C6orf163: variants seen among roughly 807,000 people sequenced by gnomAD.
C6orf163 encodes the protein chromosome 6 open reading frame 163.
Under a neutral mutation model 28.4 loss-of-function variants are expected in C6orf163, and 22 were observed. The observed-to-expected ratio is 0.78, with a 90% CI of 0.55 to 1.11. The LOEUF is 1.11. Ranked by LOEUF, C6orf163 falls within the 50% of genes least tolerant of loss-of-function variation. The pLI is 0.00. For missense variants in C6orf163, 342 were observed against 389.1 expected, an observed-to-expected ratio of 0.88 and a Z score of 1.02; for synonymous variants, 110 against 123.6, an observed-to-expected ratio of 0.89 and a Z score of 0.73.
At chr6:87,350,023 T>C (rs932553691) in intron 2 of C6orf163, among the ~76,000 whole-genome samples, 5 of 152,246 alleles carry the variant, frequency 3.3e-5, no homozygotes, top group Admixed American at 2.6e-4. Flanking sequence ...GTGCGTCTTT[T>C]CATTTCACTG....
At chr6:87,355,823 A>G (rs1012713033) in intron 3 of C6orf163, among the ~76,000 whole-genome samples, 7 of 152,202 alleles carry the variant, frequency 4.6e-5, no homozygotes, top group Middle Eastern at 6.8e-3. Context: ...CTTGAGCACA[A>G]TTTGTGGCTC....
At chr6:87,360,546 ACTC>A (rs1402411270) in intron 4 of C6orf163, among the ~76,000 whole-genome samples, 1 of 50,160 alleles carries the variant, frequency 2.0e-5, no homozygotes, top group Non-Finnish European at 5.5e-5. Context: ...GCAGGTACTC[ACTC>A]ACCACCATGC....
Position 87,365,212 on chromosome 6 carries a change from G to A in C6orf163, c.806G>A (p.Gly269Glu), listed in dbSNP as rs1369243084. The stretch of plus-strand genomic sequence containing the variant: ...CTGCTGTCTATAGCAAAACAACTGG[G>A]AATCATGACAAATTGGAAAGATTTC... ...GELLSIAKQL[G>E]IMTNWKDFLE... is the part of the protein sequence containing the mutation. The change falls in exon 5 of 5, where the codon GGA (glycine) becomes GAA (glutamate). Residue 269 changes from glycine to glutamate, a missense_variant. Gly to Glu is a moderately conservative substitution (Grantham distance 98). Coordinates refer to ENST00000388923, the MANE Select transcript of C6orf163 (RefSeq NM_001010868.3). The A allele has an allele frequency of 1.3e-6, 2 of 1,551,712 alleles. No homozygotes were observed. Among genetic ancestry groups the A allele is most frequent in the South Asian group, 2.4e-5 (2 of 84,060 alleles).
chr6:87,360,304 T>G (rs1306666023), intron 4 of C6orf163, among the ~76,000 whole-genome samples: 1 of 152,140 alleles, frequency 6.6e-6, no homozygotes, highest in African/African-American at 2.4e-5. Flanking sequence ...GACTAATTTA[T>G]GTACATTGAA....
chr6:87,347,967 C>G (rs1431867061), intron 1 of C6orf163: 1 of 709,606 alleles, frequency 1.4e-6, no homozygotes, highest in Non-Finnish European at 1.7e-6. Context: ...ACCAGCCTGA[C>G]CAACATGGTG....
At chr6:87,348,452 G>GGA (rs561395292) in intron 1 of C6orf163, 375 of 1,002,236 alleles carry the variant, frequency 3.7e-4, no homozygotes, top group Admixed American at 2.2e-3. Context: ...ATAGGAACAG[G>GGA]GAGAGAGAGA....
chr6:87,346,462 G>T (rs1777325648), intron 1 of C6orf163, among the ~76,000 whole-genome samples: 1 of 152,100 alleles, frequency 6.6e-6, no homozygotes, highest in African/African-American at 2.4e-5. Context: ...GATTCCTTAT[G>T]CCTTATGGAA....
chr6:87,360,909 G>A (rs754362321), intron 4 of C6orf163, among the ~76,000 whole-genome samples: 13 of 152,156 alleles, frequency 8.5e-5, no homozygotes, highest in South Asian at 8.3e-4. Flanking sequence ...TCACACCCTC[G>A]ACGCACTGCA....
At chr6:87,347,309 G>C (rs764624941) in intron 1 of C6orf163, 1 of 727,868 alleles carries the variant, frequency 1.4e-6, no homozygotes, top group African/African-American at 1.9e-5. Context: ...TCCTTTTACA[G>C]TATGTGCATT....
chr6:87,355,406 C>G (rs1299589425), intron 3 of C6orf163, among the ~76,000 whole-genome samples: 5 of 151,814 alleles, frequency 3.3e-5, no homozygotes, highest in African/African-American at 1.2e-4. Context: ...ACAAAAAATA[C>G]AAAAATTAGC....
chr6:87,345,408 C>G (rs147163509), intron 1 of C6orf163, among the ~76,000 whole-genome samples, 161 bp downstream of exon 1: 1 of 152,142 alleles, frequency 6.6e-6, no homozygotes, highest in African/African-American at 2.4e-5. Flanking sequence ...TCTCCACTTA[C>G]AGTTGTATGT....
chr6:87,347,873 A>G (rs949971867), intron 1 of C6orf163: 35 of 985,398 alleles, frequency 3.6e-5, no homozygotes, highest in Non-Finnish European at 4.0e-5. Flanking sequence ...TCCCAGAGGA[A>G]GACCAGGCAT....
intron 4 of C6orf163, chr6:87,356,738 A>C: frequency 2.2e-6 from 1 of 446,380 alleles, no homozygotes; most frequent in Non-Finnish European, 4.0e-6. Context: ...AGGGATTGAA[A>C]ATTGCTGTTT....
intron 4 of C6orf163, among the ~76,000 whole-genome samples, chr6:87,362,345 T>C (rs1008852118): frequency 6.6e-6 from 1 of 151,920 alleles, no homozygotes; most frequent in Non-Finnish European, 1.5e-5. Context: ...TGTGTGGGGG[T>C]GCACACTTGT....
intron 4 of C6orf163, among the ~76,000 whole-genome samples, chr6:87,359,376 G>T (rs1255183773): frequency 1.3e-5 from 2 of 152,208 alleles, no homozygotes; most frequent in African/African-American, 4.8e-5. Flanking sequence ...ACAACCCGGG[G>T]ATAGAAATGC....
intron 3 of C6orf163, among the ~76,000 whole-genome samples, chr6:87,350,956 G>A (rs565914967): frequency 1.3e-5 from 2 of 152,306 alleles, no homozygotes; most frequent in African/African-American, 4.8e-5. Context: ...AACAAGTGAA[G>A]CAGGCTGTTC....
intron 2 of C6orf163, 132 bp from the exon 3 acceptor site, chr6:87,350,262 A>G: frequency 1.6e-6 from 1 of 643,232 alleles, no homozygotes; most frequent in Non-Finnish European, 2.7e-6. Flanking sequence ...TGGGGCAAGA[A>G]ATTAGGGACT....
intron 1 of C6orf163, chr6:87,347,592 A>G: frequency 1.0e-6 from 1 of 985,420 alleles, no homozygotes; most frequent in African/African-American, 1.7e-5. Flanking sequence ...CTGATGAACT[A>G]GTAGGAGACT....
intron 3 of C6orf163, 132 bp downstream of exon 3, chr6:87,350,633 T>C (rs1582105436): frequency 1.6e-6 from 1 of 608,856 alleles, no homozygotes; most frequent in East Asian, 2.8e-5. Context: ...TGGGATCCCC[T>C]GGGAGGTTCT....
Sources: gnomAD v4.1 joint callset for allele counts (sites outside exome capture counted in the v4.1 genomes callset) on GRCh38, gnomAD v4.1.1 for gene constraint, MANE v1.5 for transcripts, NCBI Gene and HGNC (gene_info 2026-07-23, HGNC 2026-07-21) for gene names.